Variants in CSGALNACT1 observed in about 807,000 individuals in gnomAD.
CSGALNACT1 encodes the protein chondroitin sulfate N-acetylgalactosaminyltransferase 1, also known as beta4GalNAcT-1.
Under a neutral mutation model 51.0 loss-of-function variants are expected in CSGALNACT1, and 52 were observed. That is an observed-to-expected ratio of 1.02 (90% CI 0.82 to 1.29). CSGALNACT1 has a LOEUF of 1.29. Ranked by LOEUF, CSGALNACT1 falls within the 50% of genes most tolerant of loss-of-function variation. CSGALNACT1 has a pLI of 0.00. For missense variants in CSGALNACT1, 935 were observed against 679.2 expected (o/e 1.38, Z -4.19); for synonymous variants, 341 against 254.4 (o/e 1.34, Z -3.24).
chr8:19,644,291 T>C (rs1412928377), intron 1 of CSGALNACT1, among the ~76,000 whole-genome samples: 2 of 152,016 alleles, frequency 1.3e-5, no homozygotes, highest in Admixed American at 6.6e-5. Flanking sequence ...TTATTCTTCA[T>C]ATATTTCTGG....
At chr8:19,438,745 G>T (rs1302084158) in intron 6 of CSGALNACT1, among the ~76,000 whole-genome samples, 1 of 152,188 alleles carries the variant, frequency 6.6e-6, no homozygotes, top group African/African-American at 2.4e-5. Flanking sequence ...ACAAAGACAG[G>T]TGCAAGACAA....
chr8:19,538,733 A>C (rs1339616617), intron 3 of CSGALNACT1, among the ~76,000 whole-genome samples: 6 of 152,234 alleles, frequency 3.9e-5, no homozygotes, highest in Middle Eastern at 3.4e-3. Context: ...AGATCAATTG[A>C]AACAGCAGGA....
chr8:19,636,837 T>C (rs1201256904), intron 1 of CSGALNACT1, among the ~76,000 whole-genome samples: 1 of 152,196 alleles, frequency 6.6e-6, no homozygotes, highest in East Asian at 1.9e-4. Context: ...ATCAAAATCC[T>C]TGAGACAATT....
chr8:19,581,712 AG>A (rs1175541578), intron 3 of CSGALNACT1, among the ~76,000 whole-genome samples: 1 of 152,234 alleles, frequency 6.6e-6, no homozygotes, highest in African/African-American at 2.4e-5. Flanking sequence ...AAAATACATC[AG>A]CTACAGAGTA....
In CSGALNACT1 at chr8:19,418,766, C is replaced by G; in HGVS notation, c.1133-16G>C. 1 of 1,545,118 alleles carries G rather than the reference C, an allele frequency of 6.5e-7. No individual in the cohort carries two copies. The highest frequency in any genetic ancestry group is 8.9e-7 in the Non-Finnish European group (1 of 1,117,350). On this transcript the variant is annotated splice_polypyrimidine_tract_variant and intron_variant, in intron 7 of 9. Transcript: ENST00000454498. ...ACCTTCTTCCCTACAAACCAGAAAA[C>G]AAACATTCACTTAAAGTGACAGATC...
At chr8:19,583,805 T>C (rs1051021965) in intron 3 of CSGALNACT1, among the ~76,000 whole-genome samples, 1 of 152,198 alleles carries the variant, frequency 6.6e-6, no homozygotes, top group African/African-American at 2.4e-5. Context: ...AACAAAAAAA[T>C]AATGATTGCT....
chr8:19,507,501 C>G (rs981342991), intron 3 of CSGALNACT1, among the ~76,000 whole-genome samples: 1 of 133,036 alleles, frequency 7.5e-6, no homozygotes, highest in African/African-American at 3.0e-5. Flanking sequence ...ATCCCTTTTC[C>G]TTGTCTTCCC....
intron 3 of CSGALNACT1, among the ~76,000 whole-genome samples, chr8:19,553,620 C>CACATATATATATATATATATATAT (rs2088814260): frequency 1.4e-5 from 1 of 71,564 alleles, no homozygotes; most frequent in Non-Finnish European, 2.5e-5. Flanking sequence ...TATATAAATA[C>CACATATATATATATATATATATAT]ATATATATAT....
chr8:19,541,006 T>G (rs1370588452), intron 3 of CSGALNACT1, among the ~76,000 whole-genome samples: 6 of 152,290 alleles, frequency 3.9e-5, no homozygotes, highest in African/African-American at 1.4e-4. Flanking sequence ...GAATGACATC[T>G]TAACTCTTTA....
At chr8:19,420,159 G>A (rs887858786) in intron 7 of CSGALNACT1, among the ~76,000 whole-genome samples, 181 bp downstream of exon 6, 6 of 152,144 alleles carry the variant, frequency 3.9e-5, no homozygotes, top group African/African-American at 9.7e-5. Flanking sequence ...CCAGTCTCAG[G>A]TGTGTCTTTA....
chr8:19,600,701 G>A (rs73214643), intron 2 of CSGALNACT1, among the ~76,000 whole-genome samples: 14,862 of 151,832 alleles, frequency 0.098, 755 homozygotes, highest in Middle Eastern at 0.13. Context: ...GTTAGTAACT[G>A]AAATACAGTT....
At chr8:19,674,468 C>G (rs550994141) in intron 1 of CSGALNACT1, among the ~76,000 whole-genome samples, 2 of 152,086 alleles carry the variant, frequency 1.3e-5, no homozygotes, top group South Asian at 4.2e-4. Context: ...TGAGGCAGGA[C>G]AATGTCAGAT....
intron 6 of CSGALNACT1, among the ~76,000 whole-genome samples, chr8:19,436,437 T>C (rs758339846): frequency 1.1e-4 from 16 of 152,322 alleles, no homozygotes; most frequent in South Asian, 2.1e-4. Flanking sequence ...TCAGTGTCTT[T>C]ACATGTGAAG....
At chr8:19,579,322 A>G (rs2045030330) in intron 3 of CSGALNACT1, among the ~76,000 whole-genome samples, 1 of 152,190 alleles carries the variant, frequency 6.6e-6, no homozygotes, top group African/African-American at 2.4e-5. Flanking sequence ...TCTTTAAATG[A>G]ACCAACTTCT....
At chr8:19,520,893 C>G (rs999625700) in intron 3 of CSGALNACT1, among the ~76,000 whole-genome samples, 3 of 152,230 alleles carry the variant, frequency 2.0e-5, no homozygotes, top group Non-Finnish European at 4.4e-5. Flanking sequence ...ATCGGGGTCT[C>G]TAGTCCGGTG....
chr8:19,533,265 T>A (rs2083132429), intron 3 of CSGALNACT1, among the ~76,000 whole-genome samples: 1 of 152,024 alleles, frequency 6.6e-6, no homozygotes, highest in Non-Finnish European at 1.5e-5. Flanking sequence ...TACAGGTACA[T>A]ACCACCACAC....
At chr8:19,670,315 T>A (rs749528481) in intron 1 of CSGALNACT1, among the ~76,000 whole-genome samples, 3 of 152,178 alleles carry the variant, frequency 2.0e-5, no homozygotes, top group Non-Finnish European at 4.4e-5. Flanking sequence ...ATCTGTTACA[T>A]AAAATCCTCC....
intron 3 of CSGALNACT1, among the ~76,000 whole-genome samples, chr8:19,555,444 T>G (rs1485409627): frequency 6.6e-6 from 1 of 152,134 alleles, no homozygotes; most frequent in Non-Finnish European, 1.5e-5. Context: ...GAGGTCCACT[T>G]TAAAGGGCTA....
intron 1 of CSGALNACT1, among the ~76,000 whole-genome samples, chr8:19,743,389 T>C (rs1022180605): frequency 1.3e-5 from 2 of 152,194 alleles, no homozygotes; most frequent in Non-Finnish European, 1.5e-5. Flanking sequence ...GAAAGTACTA[T>C]GAACATCTCA....
Sources: allele counts gnomAD v4.1 joint callset (sites outside exome capture counted in the v4.1 genomes callset), GRCh38; gene constraint gnomAD v4.1.1; transcripts MANE v1.5; gene names NCBI Gene and HGNC (gene_info 2026-07-23, HGNC 2026-07-21).